The following CDH4 variants were observed in gnomAD, a reference collection of about 807,000 sequenced individuals.
CDH4 encodes the protein cadherin-4.
CDH4 carries 33 observed loss-of-function variants against 86.0 expected under a neutral mutation model. That is an observed-to-expected ratio of 0.38 (90% CI 0.29 to 0.51). The LOEUF is 0.51. CDH4 is among the 20% of genes least tolerant of loss of function. The probability of loss-of-function intolerance (pLI) is 0.86; values close to 1 mark genes in which losing one functional copy is unlikely to be tolerated. For missense variants in CDH4, 1,114 were observed against 1,307.4 expected, an observed-to-expected ratio of 0.85 and a Z score of 2.28; for synonymous variants, 555 against 549.4, an observed-to-expected ratio of 1.01 and a Z score of -0.14.
At chr20:61,305,989 G>A (rs764392826) in intron 2 of CDH4, among the ~76,000 whole-genome samples, 2 of 152,174 alleles carry the variant, frequency 1.3e-5, no homozygotes, top group Non-Finnish European at 2.9e-5. Flanking sequence ...TTGACCTTTT[G>A]TCTAGGCCTT....
chr20:61,935,076 G>A (rs1467049304), intron 15 of CDH4, among the ~76,000 whole-genome samples: 1 of 152,230 alleles, frequency 6.6e-6, no homozygotes, highest in South Asian at 2.1e-4. Flanking sequence ...CAGTGACTCT[G>A]AGGCTCCAGA....
chr20:61,376,017 ACT>A (rs2084869915), intron 2 of CDH4, among the ~76,000 whole-genome samples: 1 of 3,496 alleles, frequency 2.9e-4, no homozygotes, highest in African/African-American at 1.2e-3. Flanking sequence ...TGGTGGTGAT[ACT>A]GTGGTTTGTG....
chr20:61,340,457 G>A (rs900208905), intron 2 of CDH4, among the ~76,000 whole-genome samples: 2 of 152,206 alleles, frequency 1.3e-5, no homozygotes, highest in African/African-American at 4.8e-5. Flanking sequence ...TTTTCCATGA[G>A]GTGGCAACTT....
At chr20:61,370,720 A>G (rs550235412) in intron 2 of CDH4, 13 of 152,348 alleles carry the variant, frequency 8.5e-5, no homozygotes, top group African/African-American at 3.1e-4. Context: ...CAGAGACTGT[A>G]ATGAGGAGGC....
intron 4 of CDH4, among the ~76,000 whole-genome samples, chr20:61,773,551 C>T (rs2088803678): frequency 1.3e-5 from 2 of 152,144 alleles, no homozygotes; most frequent in Admixed American, 1.3e-4. Flanking sequence ...TGGGGTGGTG[C>T]CATGACGATC....
chr20:61,500,779 G>A (rs999950746), intron 2 of CDH4, among the ~76,000 whole-genome samples: 2 of 152,178 alleles, frequency 1.3e-5, no homozygotes, highest in Non-Finnish European at 2.9e-5. Context: ...TCATATCGTT[G>A]GCGTGTCAAG....
chr20:61,771,559 G>A (rs1050433161), intron 3 of CDH4, among the ~76,000 whole-genome samples: 1 of 148,888 alleles, frequency 6.7e-6, no homozygotes, highest in Non-Finnish European at 1.5e-5. Flanking sequence ...AGGAGGCAGA[G>A]GTTGCAGTGA....
intron 3 of CDH4, among the ~76,000 whole-genome samples, chr20:61,746,632 G>A (rs1421233019): frequency 6.6e-6 from 1 of 152,220 alleles, no homozygotes; most frequent in Non-Finnish European, 1.5e-5. Context: ...GCGACTTACT[G>A]GCTGGGTGTT....
At chr20:61,533,046 G>A (rs1000226431) in intron 2 of CDH4, among the ~76,000 whole-genome samples, 3 of 152,168 alleles carry the variant, frequency 2.0e-5, no homozygotes, top group East Asian at 1.9e-4. Context: ...GCCAGCTGGT[G>A]TGGGGCAGGG....
chr20:61,652,781 G>T, intron 2 of CDH4, among the ~76,000 whole-genome samples: 1 of 140,418 alleles, frequency 7.1e-6, no homozygotes, highest in Non-Finnish European at 1.5e-5. Context: ...AATTCATGGG[G>T]TGATTTTTTT....
intron 3 of CDH4, among the ~76,000 whole-genome samples, chr20:61,765,051 G>C (rs1415291065): frequency 6.6e-6 from 1 of 152,192 alleles, no homozygotes; most frequent in Non-Finnish European, 1.5e-5. Context: ...CAGGTTTAGA[G>C]TCACCTGCAC....
chr20:61,891,611 G>A (rs996380131), intron 7 of CDH4, among the ~76,000 whole-genome samples: 1 of 152,232 alleles, frequency 6.6e-6, no homozygotes, highest in African/African-American at 2.4e-5. Flanking sequence ...GCTGCATGAT[G>A]AGGCACATGT....
At chr20:61,477,428 G>A (rs947746833) in intron 2 of CDH4, among the ~76,000 whole-genome samples, 15 of 152,226 alleles carry the variant, frequency 9.9e-5, no homozygotes, top group Non-Finnish European at 1.6e-4. Context: ...ACCTGTGCCC[G>A]TGTACAGGGA....
At chr20:61,391,759 A>C (rs1208322462) in intron 2 of CDH4, among the ~76,000 whole-genome samples, 2 of 152,140 alleles carry the variant, frequency 1.3e-5, no homozygotes, top group East Asian at 1.9e-4. Flanking sequence ...GGTGGACAAG[A>C]AATAACAGTG....
intron 2 of CDH4, among the ~76,000 whole-genome samples, chr20:61,683,059 T>G (rs1373336230): frequency 6.6e-6 from 1 of 152,122 alleles, no homozygotes; most frequent in Admixed American, 6.5e-5. Flanking sequence ...TTAAAATAAA[T>G]ATAAAGTCAC....
chr20:61,937,249 G>GAAAAAAAAAAAAAA lies in CDH4; in HGVS notation c.*309_*322dup, dbSNP rs11481455. On this transcript the variant is annotated 3_prime_UTR_variant, in exon 16 of 16. Transcript: ENST00000614565. ...AAAAAAAAAAAAAAGAAGAAAGAAA[G>GAAAAAAAAAAAAAA]AAAAAAAAAAAAAAAAGAAAGTGCC... The GAAAAAAAAAAAAAA allele has an allele frequency of 1.8e-5, 2 of 109,704 alleles. No homozygotes were observed. Among genetic ancestry groups the GAAAAAAAAAAAAAA allele is most frequent in the Non-Finnish European group, 3.5e-5 (2 of 57,298 alleles). The allele number at this position is 109,704 out of a possible 1,614,324, so 6.8% of individuals were successfully genotyped here.
chr20:61,475,264 G>T (rs1014125448), intron 2 of CDH4, among the ~76,000 whole-genome samples: 11 of 151,938 alleles, frequency 7.2e-5, no homozygotes, highest in South Asian at 2.1e-4. Context: ...AACCACAGGG[G>T]TGGAATTAAG....
intron 2 of CDH4, among the ~76,000 whole-genome samples, chr20:61,656,223 AGG>A: frequency 1.1e-5 from 1 of 92,876 alleles, no homozygotes; most frequent in African/African-American, 3.8e-5. Flanking sequence ...TGAGGCGGGC[AGG>A]CGCGTGCTGG....
intron 2 of CDH4, among the ~76,000 whole-genome samples, chr20:61,301,684 A>G (rs2084387076): frequency 6.6e-6 from 1 of 152,246 alleles, no homozygotes; most frequent in Non-Finnish European, 1.5e-5. Flanking sequence ...TAAAATTACT[A>G]TTAAGACTTT....
Sources: gnomAD v4.1 joint callset for allele counts (sites outside exome capture counted in the v4.1 genomes callset) on GRCh38, gnomAD v4.1.1 for gene constraint, MANE v1.5 for transcripts, NCBI Gene and HGNC (gene_info 2026-07-23, HGNC 2026-07-21) for gene names.